The following SAMD4B variants were observed in gnomAD, a reference collection of about 807,000 sequenced individuals.
SAMD4B encodes the protein sterile alpha motif domain containing 4B.
In SAMD4B, 5 loss-of-function variants were observed where a neutral mutation model predicts 74.5. The observed-to-expected ratio is 0.07, with a 90% CI of 0.04 to 0.14. The LOEUF (loss-of-function observed/expected upper bound fraction) is 0.14. SAMD4B is among the 10% of genes least tolerant of loss of function. The pLI, the probability that SAMD4B is intolerant of heterozygous loss-of-function variation, is 1.00. For synonymous variants in SAMD4B, 373 were observed against 374.9 expected, an observed-to-expected ratio of 1.00 and a Z score of 0.06; for missense variants, 608 against 921.8, an observed-to-expected ratio of 0.66 and a Z score of 4.41.
chr19:39,347,110 G>T (rs2075750408), intron 1 of SAMD4B, among the ~76,000 whole-genome samples: 1 of 152,192 alleles, frequency 6.6e-6, no homozygotes, highest in Non-Finnish European at 1.5e-5. Flanking sequence ...CCAGAGCTAG[G>T]TTGGCTTCAG....
rs892049777 is a variant in SAMD4B at position 39,375,524 on chromosome 19, C to T, written c.668-126C>T. On this transcript the variant is annotated intron_variant, in intron 4 of 13. Transcript: ENST00000610417. This position sits in a 1 kb window ranked among gnomAD's most constrained non-coding sequence, Gnocchi z 4.1. ...TATCTGGTAGGCAGTTACCCTTGGA[C>T]CCCAGGTCCCTTCCTCTTGGCAGGT... 5.6e-6 allele frequency: 7 copies of T among 1,257,394 alleles called. No homozygotes were observed. Among genetic ancestry groups the T allele is most frequent in the Non-Finnish European group, 7.8e-6 (7 of 897,540 alleles). The allele number at this position is 1,257,394 out of a possible 1,614,324, so 77.9% of individuals were successfully genotyped here. A position where few individuals can be genotyped will look rare whatever the true frequency, so the allele number is the denominator to read the frequency against.
intron 4 of SAMD4B, among the ~76,000 whole-genome samples, chr19:39,372,479 C>A (rs1217616467): frequency 6.6e-6 from 1 of 152,258 alleles, no homozygotes; most frequent in Non-Finnish European, 1.5e-5. Flanking sequence ...GGATTCCAGG[C>A]AGTTGCAGGA....
At chr19:39,387,000 C>CAT (rs1440240621), downstream of SAMD4B, among the ~76,000 whole-genome samples, 1 of 152,204 alleles carries the variant, frequency 6.6e-6, no homozygotes, top group Admixed American at 6.5e-5. The surrounding 1 kb of genome is among the most constrained non-coding windows in gnomAD (Gnocchi z 6.1). Flanking sequence ...GCTCCCATGG[C>CAT]ACCAGTTTGG....
chr19:39,343,647 C>T (rs1422180365), intron 1 of SAMD4B, among the ~76,000 whole-genome samples: 1 of 151,844 alleles, frequency 6.6e-6, no homozygotes, highest in Non-Finnish European at 1.5e-5. Context: ...CCGGGATCCC[C>T]TTCCCCACCC....
At position 39,375,354 on chromosome 19, in the gene SAMD4B, G is replaced by A. The variant is rs2077538849; in HGVS notation, c.668-296G>A. ...GGGGCGTGGACTGTAGGAGGCAAGA[G>A]TGAAGGCAGGAAACCAATGAGGAGG... On this transcript the variant is annotated intron_variant, in intron 4 of 13. Coordinates refer to ENST00000610417, the MANE Select transcript of SAMD4B (RefSeq NM_001384574.2). This position sits in a 1 kb window ranked among gnomAD's most constrained non-coding sequence, Gnocchi z 4.1. 6.6e-6 allele frequency among the ~76,000 whole-genome samples: 1 copy of A among 152,222 alleles called. No individual in the cohort carries two copies. The highest frequency in any genetic ancestry group is 1.5e-5 in the Non-Finnish European group (1 of 68,028).
At position 39,370,083 on chromosome 19, in the gene SAMD4B, G is replaced by A; in HGVS notation, c.625G>A (p.Val209Met). 1 of 1,607,584 alleles carries A rather than the reference G, an allele frequency of 6.2e-7. No individual in the cohort carries two copies. Among genetic ancestry groups the A allele is most frequent in the African/African-American group, 1.3e-5 (1 of 74,864 alleles). The change falls in exon 4 of 14, where the codon GTG becomes ATG. Residue 209 changes from valine to methionine, a missense_variant. Val to Met is a conservative substitution (Grantham distance 21). This residue lies in a region of SAMD4B where 153 missense variants were observed against 153.0 expected (regional missense o/e 1.00). Coordinates refer to ENST00000610417, the MANE Select transcript of SAMD4B (RefSeq NM_001384574.2). ...GHVPFHPSSS[V>M]PPAINSIGSN... ...CGTGCCCTTCCACCCATCCAGCTCA[G>A]TGCCGCCAGCCATCAACAGTATTGG...
At position 39,385,185 on chromosome 19, in the gene SAMD4B, C is replaced by T; in HGVS notation, c.*1658C>T. The T allele has an allele frequency of 5.6e-6, 1 of 177,434 alleles. No homozygotes were observed. Among genetic ancestry groups the T allele is most frequent in the Non-Finnish European group, 1.2e-5 (1 of 85,576 alleles). The allele number at this position is 177,434 out of a possible 1,614,324, so 11.0% of individuals were successfully genotyped here. ...TCCCCCACCCCGGCCCTCCATGTTTCTGTGCCTTTGCTCATCCCCTCAATC... is the reference window on the plus strand; with the variant it reads ...TCCCCCACCCCGGCCCTCCATGTTTTTGTGCCTTTGCTCATCCCCTCAATC... On this transcript the variant is annotated 3_prime_UTR_variant, in exon 14 of 14. Coordinates refer to ENST00000610417, the MANE Select transcript of SAMD4B (RefSeq NM_001384574.2).
chr19:39,344,093 C>T (rs2075537152), intron 1 of SAMD4B, among the ~76,000 whole-genome samples: 1 of 151,576 alleles, frequency 6.6e-6, no homozygotes, highest in Non-Finnish European at 1.5e-5. Context: ...CACCAGAACC[C>T]CTTGAATCAA....
intron 1 of SAMD4B, chr19:39,352,374 G>GGTA (rs543822581): frequency 5.1e-4 from 77 of 151,944 alleles, no homozygotes; most frequent in African/African-American, 1.7e-3. Context: ...AAGGACCACA[G>GGTA]GTATGTCTTC....
At chr19:39,376,601 C>T in intron 6 of SAMD4B, 55 bp downstream of exon 6, 1 of 1,583,998 alleles carries the variant, frequency 6.3e-7, no homozygotes, top group East Asian at 2.2e-5. Context: ...GTTTGGCATC[C>T]TTGCAGCCCA....
chr19:39,367,877 C>T (rs2077061342), intron 3 of SAMD4B, among the ~76,000 whole-genome samples: 1 of 151,638 alleles, frequency 6.6e-6, no homozygotes, highest in Non-Finnish European at 1.5e-5. Flanking sequence ...TTGATGTGGC[C>T]AGCCTGGGGC....
At chr19:39,390,043 G>A (rs1455418639), downstream of SAMD4B, 4 of 1,566,756 alleles carry the variant, frequency 2.6e-6, 1 homozygote, top group South Asian at 4.4e-5. Context: ...TCATACCTGA[G>A]TAGTTTTCCC....
At chr19:39,345,869 C>G (rs2075667432) in intron 1 of SAMD4B, among the ~76,000 whole-genome samples, 1 of 152,178 alleles carries the variant, frequency 6.6e-6, no homozygotes, top group Non-Finnish European at 1.5e-5. Context: ...CCTCTCACCT[C>G]CCTTTTTTTT....
intron 7 of SAMD4B, 52 bp from the exon 8 acceptor site, chr19:39,377,433 G>A: frequency 7.0e-7 from 1 of 1,435,036 alleles, no homozygotes. Flanking sequence ...GATACTCTCT[G>A]TCCCTCATTG....
rs561877416 is a variant in SAMD4B, at chr19:39,380,705, C to T, written c.1768C>T (p.Leu590Phe). Residue 590 changes from leucine to phenylalanine, a missense_variant, in exon 11 of 14, where the codon CTC becomes TTC. Leu to Phe is a conservative substitution (Grantham distance 22, BLOSUM62 0). Around this residue, in one of 9 missense-constraint regions of SAMD4B, gnomAD observed 167 missense variants for 193.0 expected, o/e 0.87. Transcript: ENST00000610417. ...PRALPPGRMGLLSPSGIGGVS... is the reference protein window; with the variant it reads ...PRALPPGRMGFLSPSGIGGVS... ...GGCCCTCCCACCCGGCCGGATGGGCCTCCTGAGCCCCTCGGGCATTGGGGG... is the reference window on the plus strand; with the variant it reads ...GGCCCTCCCACCCGGCCGGATGGGCTTCCTGAGCCCCTCGGGCATTGGGGG... 38 of 1,611,960 alleles carry T rather than the reference C, an allele frequency of 2.4e-5. No individual in the cohort carries two copies. Among genetic ancestry groups the T allele is most frequent in the Admixed American group, 1.7e-5 (1 of 59,854 alleles).
At chr19:39,377,429 C>A in intron 7 of SAMD4B, 56 bp from the exon 8 acceptor site, 5 of 1,414,446 alleles carry the variant, frequency 3.5e-6, no homozygotes, top group Non-Finnish European at 4.8e-6. Context: ...TGTAGATACT[C>A]TCTGTCCCTC....
Position 39,353,761 on chromosome 19 carries a change from CCGG to C in SAMD4B, c.-266-243_-266-241del, listed in dbSNP as rs2076188032. 2.0e-5 allele frequency among the ~76,000 whole-genome samples: 3 copies of C among 152,152 alleles called. No individual in the cohort carries two copies. In the South Asian group the frequency reaches 6.2e-4, roughly 32 times the overall value. ...GGACTACAGGCGCCCGCCACCACAC[CCGG>C]CTAATTTTTATATTTTTAGTAGAGA... On this transcript the variant is annotated intron_variant, in intron 1 of 13. Coordinates refer to ENST00000610417, the MANE Select transcript of SAMD4B (RefSeq NM_001384574.2).
chr19:39,379,348 C>T (rs1472856381), intron 9 of SAMD4B, among the ~76,000 whole-genome samples: 3 of 152,192 alleles, frequency 2.0e-5, no homozygotes, highest in South Asian at 4.1e-4. Context: ...TCCTCCTCAC[C>T]CCTCAGCTGT....
chr19:39,379,455 A>G (rs1304738825), intron 9 of SAMD4B, among the ~76,000 whole-genome samples: 1 of 152,084 alleles, frequency 6.6e-6, no homozygotes, highest in African/African-American at 2.4e-5. Context: ...GGGAGGGATA[A>G]TTTGTCACAG....
Sources: gnomAD v4.1 joint callset for allele counts (sites outside exome capture counted in the v4.1 genomes callset) on GRCh38, gnomAD v4.1.1 for gene constraint, gnomAD v4.1.1 regional missense constraint, Gnocchi (gnomAD v3.1) non-coding constraint, MANE v1.5 for transcripts, NCBI Gene and HGNC (gene_info 2026-07-23, HGNC 2026-07-21) for gene names.